The following GTF2A2 variants were observed in gnomAD, a reference collection of about 807,000 sequenced individuals.
GTF2A2 encodes the protein transcription initiation factor IIA subunit 2.
A neutral mutation model predicts 14.3 loss-of-function variants in GTF2A2; 9 were observed. The observed-to-expected ratio is 0.63, with a 90% CI of 0.38 to 1.10. The LOEUF (loss-of-function observed/expected upper bound fraction) is 1.10, where lower values mean the gene tolerates loss of function less well. Ranked by LOEUF, GTF2A2 falls within the 50% of genes least tolerant of loss-of-function variation. The pLI is 0.01. For synonymous variants in GTF2A2, 56 were observed against 46.0 expected (o/e 1.22, Z -0.88); for missense variants, 90 against 124.6 (o/e 0.72, Z 1.32).
intron 3 of GTF2A2, among the ~76,000 whole-genome samples, chr15:59,644,747 AG>A (rs570156976): frequency 7.6e-4 from 116 of 152,352 alleles, no homozygotes; most frequent in Middle Eastern, 3.4e-3. Flanking sequence ...GATAATGGAA[AG>A]GAAGACAAAC....
Position 59,639,020 on chromosome 15 carries a change from G to C in GTF2A2, c.*112C>G. The C allele has an allele frequency of 2.8e-6, 2 of 710,050 alleles. No homozygotes were observed. Among genetic ancestry groups the C allele is most frequent in the Non-Finnish European group, 5.2e-6 (2 of 387,342 alleles). 44.0% of individuals were successfully genotyped at this position (710,050 alleles called of 1,614,324 possible). A position where few individuals can be genotyped will look rare whatever the true frequency, so the allele number is the denominator to read the frequency against. On this transcript the variant is annotated 3_prime_UTR_variant, in exon 5 of 5. Coordinates refer to ENST00000396060, the MANE Select transcript of GTF2A2 (RefSeq NM_004492.3). ...CTTTCTACTGGAATTCTCTGGTATA[G>C]CACAGTGTAGTCATTTCTGCAATTC...
At chr15:59,648,544 T>G (rs1157174664) in intron 3 of GTF2A2, among the ~76,000 whole-genome samples, 3 of 151,944 alleles carry the variant, frequency 2.0e-5, no homozygotes, top group Non-Finnish European at 2.9e-5. Flanking sequence ...TTAAAACATA[T>G]AAATGATTAA....
At chr15:59,639,209 TTTTACAATTAACTATTTTAAGACTATCAA>T in intron 4 of GTF2A2, 52 bp from the exon 5 acceptor site, 1 of 1,102,628 alleles carries the variant, frequency 9.1e-7, no homozygotes, top group Non-Finnish European at 1.4e-6. Flanking sequence ...AGCAATTTAA[TTTTACAATTAACTATTTTAAGACTATCAA>T]AAATGAGAAC....
intron 1 of GTF2A2, 69 bp from the exon 2 acceptor site, chr15:59,652,395 A>G: frequency 1.7e-6 from 1 of 599,840 alleles, no homozygotes; most frequent in Non-Finnish European, 2.9e-6. Flanking sequence ...ATATAATATC[A>G]TCTACCTCAA....
intron 4 of GTF2A2, among the ~76,000 whole-genome samples, chr15:59,640,619 A>C (rs1449621619): frequency 6.6e-6 from 1 of 152,002 alleles, no homozygotes; most frequent in African/African-American, 2.4e-5. Context: ...TGTCCGTGCT[A>C]AAAAAAAGTT....
intron 3 of GTF2A2, among the ~76,000 whole-genome samples, chr15:59,649,571 G>C (rs181502175): frequency 4.6e-5 from 7 of 152,280 alleles, no homozygotes; most frequent in Non-Finnish European, 8.8e-5. Flanking sequence ...AATTTTGGCA[G>C]AATCATTACT....
At chr15:59,641,166 C>T (rs1260149537) in intron 4 of GTF2A2, among the ~76,000 whole-genome samples, 1 of 139,434 alleles carries the variant, frequency 7.2e-6, no homozygotes, top group Non-Finnish European at 1.5e-5. Context: ...CCAGCCTGGG[C>T]AATACAGCAA....
Position 59,646,402 on chromosome 15 carries a change from C to T in GTF2A2, c.178-4140G>A, listed in dbSNP as rs138491590. On this transcript the variant is annotated intron_variant, in intron 3 of 4. Transcript: ENST00000396060. Reference sequence around the variant, plus strand: ...GTGTAGTCTTTTATCCCTCGCCACCCTCCCACCCTTTCCCCAAAGTTCCCA... The same window carrying T: ...GTGTAGTCTTTTATCCCTCGCCACCTTCCCACCCTTTCCCCAAAGTTCCCA... Among the ~76,000 whole-genome samples, 82 of 152,278 alleles carry T rather than the reference C, an allele frequency of 5.4e-4. No individual in the cohort carries two copies. In the East Asian group the frequency reaches 0.012, roughly 22 times the overall value.
intron 4 of GTF2A2, 94 bp from the exon 5 acceptor site, chr15:59,639,251 AG>A: frequency 1.3e-6 from 1 of 776,654 alleles, no homozygotes; most frequent in East Asian, 2.5e-5. Flanking sequence ...ATGAGAACAC[AG>A]GACTAATAGT....
At chr15:59,647,195 C>T (rs62015264) in intron 3 of GTF2A2, among the ~76,000 whole-genome samples, 2 of 152,136 alleles carry the variant, frequency 1.3e-5, no homozygotes, top group African/African-American at 4.8e-5. Flanking sequence ...TGGGCTCAAG[C>T]TGCCCTCTCA....
chr15:59,646,108 G>A (rs1166271561), intron 3 of GTF2A2, among the ~76,000 whole-genome samples: 3 of 151,834 alleles, frequency 2.0e-5, no homozygotes, highest in African/African-American at 7.3e-5. Context: ...CCAGGATGGA[G>A]CACAGTGGTG....
At chr15:59,644,147 G>A (rs1441195084) in intron 3 of GTF2A2, among the ~76,000 whole-genome samples, 1 of 151,928 alleles carries the variant, frequency 6.6e-6, no homozygotes, top group Non-Finnish European at 1.5e-5. Flanking sequence ...TGCCCACCTC[G>A]GCCTCCCAAA....
intron 1 of GTF2A2, chr15:59,657,124 C>T (rs1455954936): frequency 1.3e-5 from 2 of 152,232 alleles, no homozygotes; most frequent in Non-Finnish European, 2.9e-5. Context: ...AGACATTCAC[C>T]TGGCTGAAAA....
chr15:59,644,794 C>T (rs556126219), intron 3 of GTF2A2, among the ~76,000 whole-genome samples: 1 of 152,284 alleles, frequency 6.6e-6, no homozygotes, highest in East Asian at 1.9e-4. Context: ...GAAAACAGAA[C>T]GTGTCAGGAG....
intron 3 of GTF2A2, among the ~76,000 whole-genome samples, chr15:59,649,879 T>A (rs1891738764): frequency 1.3e-5 from 2 of 152,214 alleles, no homozygotes; most frequent in South Asian, 4.1e-4. Context: ...CCAAATGAAG[T>A]AGGCAGATGT....
chr15:59,650,864 C>T, intron 2 of GTF2A2, 91 bp from the exon 3 acceptor site: 1 of 705,136 alleles, frequency 1.4e-6, no homozygotes, highest in South Asian at 1.8e-5. Context: ...TAAAATTTAA[C>T]TGAGGTTAAC....
At chr15:59,657,095 G>A (rs918123679) in intron 1 of GTF2A2, 16 of 152,338 alleles carry the variant, frequency 1.1e-4, no homozygotes, top group Middle Eastern at 3.4e-3. Flanking sequence ...AAACTCACAG[G>A]GCGCTAGTGG....
rs1891286967 is a variant in GTF2A2, at chr15:59,639,048, G to GAATAAATAAAAAGTCTCTT, written c.*65_*83dup. Reference sequence around the variant, plus strand: ...CAGTGTAGTCATTTCTGCAATTCTAGAATAAATAAAAAGTCTCTTCTATGC... The same window carrying GAATAAATAAAAAGTCTCTT: ...CAGTGTAGTCATTTCTGCAATTCTAGAATAAATAAAAAGTCTCTTAATAAATAAAAAGTCTCTTCTATGC... On this transcript the variant is annotated 3_prime_UTR_variant, in exon 5 of 5. Coordinates refer to ENST00000396060, the MANE Select transcript of GTF2A2 (RefSeq NM_004492.3). 1 of 826,622 alleles carries GAATAAATAAAAAGTCTCTT rather than the reference G, an allele frequency of 1.2e-6. No individual in the cohort carries two copies. The highest frequency in any genetic ancestry group is 2.1e-6 in the Non-Finnish European group (1 of 477,264). The allele number at this position is 826,622 out of a possible 1,614,324, so 51.2% of individuals were successfully genotyped here. A position where few individuals can be genotyped will look rare whatever the true frequency, so the allele number is the denominator to read the frequency against.
chr15:59,645,168 A>G (rs572019006), intron 3 of GTF2A2, among the ~76,000 whole-genome samples: 1 of 152,310 alleles, frequency 6.6e-6, no homozygotes, highest in East Asian at 1.9e-4. Flanking sequence ...CAATGCATTC[A>G]CAGAAAAAGC....
Sources: gnomAD v4.1 joint callset for allele counts (sites outside exome capture counted in the v4.1 genomes callset) on GRCh38, gnomAD v4.1.1 for gene constraint, MANE v1.5 for transcripts, NCBI Gene and HGNC (gene_info 2026-07-23, HGNC 2026-07-21) for gene names.